The following DNAH3 variants were observed in gnomAD, a reference collection of about 807,000 sequenced individuals.
The protein encoded by DNAH3 is dynein axonemal heavy chain 3, also known as axonemal beta dynein heavy chain 3.
DNAH3 carries 332 observed loss-of-function variants against 432.5 expected under a neutral mutation model. That is an observed-to-expected ratio of 0.77 (90% CI 0.70 to 0.84). The LOEUF is 0.84. DNAH3 is among the 40% of genes least tolerant of loss of function. The pLI is 0.00. For missense variants in DNAH3, 4,861 were observed against 5,114.0 expected, an observed-to-expected ratio of 0.95 and a Z score of 1.51; for synonymous variants, 1,956 against 1,900.2, an observed-to-expected ratio of 1.03 and a Z score of -0.76.
intron 15 of DNAH3, 105 bp from the exon 16 acceptor site, chr16:21,104,699 G>T (rs1402223458): frequency 4.5e-6 from 3 of 667,180 alleles, no homozygotes; most frequent in East Asian, 2.7e-5. Context: ...AGTGGTGTGG[G>T]GGTGGCAATG....
chr16:21,107,241 T>G (rs1036645852), intron 14 of DNAH3, among the ~76,000 whole-genome samples: 1 of 21,016 alleles, frequency 4.8e-5, no homozygotes, highest in South Asian at 2.5e-3. Flanking sequence ...TTTTTAATCT[T>G]TTTTTTTTTT....
chr16:21,108,762 G>C (rs1009930433), intron 14 of DNAH3, among the ~76,000 whole-genome samples: 2 of 151,372 alleles, frequency 1.3e-5, no homozygotes, highest in African/African-American at 2.4e-5. Context: ...AAAAGTGTCC[G>C]AGTAGTGTGA....
intron 19 of DNAH3, among the ~76,000 whole-genome samples, chr16:21,085,027 T>C (rs754058839): frequency 7.1e-6 from 1 of 140,734 alleles, no homozygotes; most frequent in Non-Finnish European, 1.5e-5. Flanking sequence ...AGGCACCCCG[T>C]GAGCACCAGC....
intron 18 of DNAH3, among the ~76,000 whole-genome samples, chr16:21,095,539 A>T (rs1237104263): frequency 1.3e-5 from 2 of 152,118 alleles, no homozygotes; most frequent in Non-Finnish European, 2.9e-5. Context: ...AGGGGTTACA[A>T]CTGGGGGGAG....
At chr16:20,983,932 TGA>T (rs1299023799) in intron 48 of DNAH3, among the ~76,000 whole-genome samples, 1 of 149,270 alleles carries the variant, frequency 6.7e-6, no homozygotes, top group Non-Finnish European at 1.5e-5. Context: ...GAGGCTGAGG[TGA>T]GAGGATCACT....
intron 1 of DNAH3, among the ~76,000 whole-genome samples, chr16:21,157,148 T>C (rs184033374): frequency 3.3e-5 from 5 of 152,230 alleles, no homozygotes; most frequent in Non-Finnish European, 5.9e-5. Context: ...CATTAGCTCT[T>C]CTTTCTGCTA....
intron 14 of DNAH3, among the ~76,000 whole-genome samples, chr16:21,108,060 G>A (rs1387339181): frequency 6.6e-6 from 1 of 152,032 alleles, no homozygotes; most frequent in Non-Finnish European, 1.5e-5. Context: ...TTTTAGTAGA[G>A]ATGGGGTTTC....
At chr16:20,949,573 C>T (rs192752030) in intron 56 of DNAH3, among the ~76,000 whole-genome samples, 7 of 152,166 alleles carry the variant, frequency 4.6e-5, no homozygotes, top group South Asian at 2.1e-4. Flanking sequence ...TTCAGGCATC[C>T]ACTGGGGGTC....
chr16:21,010,053 T>C (rs1219935209), intron 41 of DNAH3, among the ~76,000 whole-genome samples: 1 of 152,154 alleles, frequency 6.6e-6, no homozygotes, highest in Non-Finnish European at 1.5e-5. Flanking sequence ...TTTACACACC[T>C]GTAAAATAGG....
In DNAH3 at chr16:21,060,257, T is replaced by C; in HGVS notation, c.3813+7A>G. On this transcript the variant is annotated splice_region_variant and intron_variant, in intron 26 of 61. Transcript: ENST00000261383. ...GTCCTGGCATGTGTACCCCGGTTCT[T>C]GTTTACCTTGACATATGCTTCAATC... 1 of 1,611,238 alleles carries C rather than the reference T, an allele frequency of 6.2e-7. No individual in the cohort carries two copies. Among genetic ancestry groups the C allele is most frequent in the East Asian group, 2.2e-5 (1 of 44,850 alleles).
chr16:21,016,980 G>T (rs1415836735), intron 41 of DNAH3, among the ~76,000 whole-genome samples: 1 of 152,108 alleles, frequency 6.6e-6, no homozygotes, highest in Non-Finnish European at 1.5e-5. Context: ...AAAGTAGAAT[G>T]GTTATTTCCA....
chr16:20,954,920 G>A, exon 55 of DNAH3: 1 of 1,614,170 alleles, frequency 6.2e-7, no homozygotes, highest in Non-Finnish European at 8.5e-7. Flanking sequence ...GAAGAACACA[G>A]GATCTGAGAT....
intron 27 of DNAH3, among the ~76,000 whole-genome samples, chr16:21,056,076 T>C (rs370252486): frequency 6.6e-6 from 1 of 152,180 alleles, no homozygotes; most frequent in African/African-American, 2.4e-5. Context: ...TCAAGCTGTG[T>C]TGAGGATTAA....
chr16:20,963,927 C>T (rs1279491608), exon 53 of DNAH3: 30 of 1,614,024 alleles, frequency 1.9e-5, no homozygotes, highest in Non-Finnish European at 2.5e-5. Context: ...TCAGGGAGTA[C>T]TGGTACATCG....
chr16:21,097,299 G>A, intron 18 of DNAH3, 56 bp downstream of exon 18: 2 of 1,581,746 alleles, frequency 1.3e-6, no homozygotes, highest in Non-Finnish European at 8.7e-7. Flanking sequence ...AGAAGTGACT[G>A]GGTGGATCCT....
At chr16:21,085,796 G>C (rs12185176) in intron 19 of DNAH3, among the ~76,000 whole-genome samples, 10 of 151,498 alleles carry the variant, frequency 6.6e-5, no homozygotes, top group African/African-American at 2.2e-4. Context: ...TGGCTTTTTT[G>C]TCCCCCCGTT....
At chr16:21,036,078 G>T (rs533446844) in intron 35 of DNAH3, among the ~76,000 whole-genome samples, 87 of 152,264 alleles carry the variant, frequency 5.7e-4, no homozygotes, top group Non-Finnish European at 9.7e-4. Context: ...AAAATGATGG[G>T]ATTTGGGAGG....
At chr16:20,983,002 G>T in intron 48 of DNAH3, 116 bp from the exon 49 acceptor site, 2 of 1,101,264 alleles carry the variant, frequency 1.8e-6, no homozygotes, top group Non-Finnish European at 2.7e-6. Flanking sequence ...TCCTCCTGGC[G>T]CTCCAGGGAT....
chr16:21,032,198 AAT>A (rs2088916505), intron 36 of DNAH3, among the ~76,000 whole-genome samples: 1 of 152,154 alleles, frequency 6.6e-6, no homozygotes, highest in Non-Finnish European at 1.5e-5. Context: ...AGAAATTAAA[AAT>A]GAAAAGAACA....
Sources: allele counts gnomAD v4.1 joint callset (sites outside exome capture counted in the v4.1 genomes callset), GRCh38; gene constraint gnomAD v4.1.1; transcripts MANE v1.5; gene names NCBI Gene and HGNC (gene_info 2026-07-23, HGNC 2026-07-21).